Variants in PROM1 observed in about 807,000 individuals in gnomAD.
PROM1 encodes prominin-1.
A neutral mutation model predicts 116.9 loss-of-function variants in PROM1; 105 were observed. That is an observed-to-expected ratio of 0.90 (90% CI 0.77 to 1.06). The LOEUF (loss-of-function observed/expected upper bound fraction) is 1.06, where lower values mean the gene tolerates loss of function less well. Ranked by LOEUF, PROM1 falls within the 50% of genes least tolerant of loss-of-function variation. The pLI, the probability that PROM1 is intolerant of heterozygous loss-of-function variation, is 0.00. For missense variants in PROM1, 1,122 were observed against 1,045.2 expected, an observed-to-expected ratio of 1.07 and a Z score of -1.01; for synonymous variants, 393 against 387.0, an observed-to-expected ratio of 1.02 and a Z score of -0.18.
chr4:16,012,870 C>CAAAAAAAA (rs71179681), intron 11 of PROM1, among the ~76,000 whole-genome samples: 4 of 84,196 alleles, frequency 4.8e-5, no homozygotes, highest in East Asian at 4.0e-4. Context: ...GACTCTGTCT[C>CAAAAAAAA]AAAAAAAAAA....
intron 12 of PROM1, among the ~76,000 whole-genome samples, chr4:16,008,618 A>G (rs1303050455): frequency 6.6e-6 from 1 of 152,262 alleles, no homozygotes; most frequent in African/African-American, 2.4e-5. Context: ...CACTAATGAC[A>G]TCAAAATTGC....
intron 2 of PROM1, among the ~76,000 whole-genome samples, chr4:16,074,882 C>A (rs564749729): frequency 1.3e-5 from 2 of 152,104 alleles, no homozygotes. Context: ...AAGATTACAG[C>A]GAATTCTATA....
chr4:16,082,870 T>C (rs750451054), intron 1 of PROM1, among the ~76,000 whole-genome samples: 52 of 152,140 alleles, frequency 3.4e-4, no homozygotes, highest in Admixed American at 9.8e-4. Context: ...TCTACAGCCG[T>C]GAAGCTCCTG....
rs560770065 is a variant in PROM1 at position 16,030,737 on chromosome 4, A to G, written c.509+2567T>C. Among the ~76,000 whole-genome samples the G allele has an allele frequency of 4.3e-4, 66 of 152,338 alleles. 1 individual carries two copies. In the South Asian group the frequency reaches 0.013, roughly 29 times the overall value. On this transcript the variant is annotated intron_variant, in intron 5 of 27. Transcript: ENST00000447510. ...CTATATGTAATGCAAATAAAAGTTC[A>G]ATTTTGAAAAAGAAACCCATTGTAG...
intron 13 of PROM1, among the ~76,000 whole-genome samples, chr4:16,000,913 G>T (rs1027826493): frequency 6.6e-6 from 1 of 151,170 alleles, no homozygotes; most frequent in Non-Finnish European, 1.5e-5. Flanking sequence ...ACAGCTCCAG[G>T]GAAGGCGGGG....
chr4:16,023,760 C>T (rs556148258), intron 7 of PROM1, among the ~76,000 whole-genome samples: 3 of 152,232 alleles, frequency 2.0e-5, no homozygotes, highest in Admixed American at 1.3e-4. Flanking sequence ...TGCTTAGAGA[C>T]ATCCCTGGCT....
In PROM1 at chr4:16,013,420, CGAGTA is replaced by C. The variant is rs147239761; in HGVS notation, c.1078-87_1078-83del. ...TAGTCACTCATTTTGCAACTCAGTA[CGAGTA>C]GAGAGGCAAAATAAAAATATAACAT... On this transcript the variant is annotated intron_variant, in intron 10 of 27. Coordinates refer to ENST00000447510, the MANE Select transcript of PROM1 (RefSeq NM_006017.3). The C allele has an allele frequency of 6.2e-3, 5,714 of 922,008 alleles. 222 individuals are homozygous for C. In the East Asian group the frequency reaches 0.1, roughly 17 times the overall value. The allele number at this position is 922,008 out of a possible 1,614,324, so 57.1% of individuals were successfully genotyped here. A position where few individuals can be genotyped will look rare whatever the true frequency, so the allele number is the denominator to read the frequency against.
rs1483648706 is a variant in PROM1 at position 16,015,390 on chromosome 4, C to T, written c.1077+776G>A. Among the ~76,000 whole-genome samples the T allele has an allele frequency of 4.4e-5, 6 of 136,158 alleles. No homozygotes were observed. In the East Asian group the frequency reaches 1.4e-3, roughly 31 times the overall value. The allele number at this position is 136,158 out of a possible 152,430, so 89.3% of individuals were successfully genotyped here. ...AAGAAGAAGAAGGTGATATATGAAG[C>T]TTAAAAAACTAAGTAGCGGCTGGGT... On this transcript the variant is annotated intron_variant, in intron 10 of 27. Transcript: ENST00000447510.
intron 5 of PROM1, among the ~76,000 whole-genome samples, chr4:16,027,888 GATC>G (rs1470930875): frequency 1.3e-5 from 2 of 152,144 alleles, no homozygotes; most frequent in Non-Finnish European, 2.9e-5. Context: ...TTACTCACAA[GATC>G]ATCAGTCAGT....
intron 13 of PROM1, among the ~76,000 whole-genome samples, chr4:16,001,828 G>C (rs1250367222): frequency 1.3e-5 from 2 of 152,116 alleles, no homozygotes; most frequent in Non-Finnish European, 2.9e-5. Flanking sequence ...AAGAGTTTCT[G>C]CTTTTATTTC....
In PROM1 at chr4:16,076,122, G is replaced by C. The variant is rs1351479883; in HGVS notation, c.-212-4C>G. Reference sequence around the variant, plus strand: ...TCATTCACTCAAGGCACCATCCCTGGCAGGGAGAGAAACAGCAGCAGAGTC... The same window carrying C: ...TCATTCACTCAAGGCACCATCCCTGCCAGGGAGAGAAACAGCAGCAGAGTC... On this transcript the variant is annotated splice_region_variant and splice_polypyrimidine_tract_variant and intron_variant, in intron 1 of 27. Coordinates refer to ENST00000447510, the MANE Select transcript of PROM1 (RefSeq NM_006017.3). 2 of 962,058 alleles carry C rather than the reference G, an allele frequency of 2.1e-6. No homozygotes were observed. The highest frequency in any genetic ancestry group is 2.9e-6 in the Non-Finnish European group (2 of 686,654). The allele number at this position is 962,058 out of a possible 1,614,324, so 59.6% of individuals were successfully genotyped here. A position where few individuals can be genotyped will look rare whatever the true frequency, so the allele number is the denominator to read the frequency against.
At chr4:15,999,023 C>G (rs1252834123) in intron 14 of PROM1, among the ~76,000 whole-genome samples, 1 of 152,024 alleles carries the variant, frequency 6.6e-6, no homozygotes, top group Non-Finnish European at 1.5e-5. Flanking sequence ...AGCCACCACG[C>G]CGAGAACTCT....
At chr4:16,028,074 G>C (rs1274011164) in intron 5 of PROM1, among the ~76,000 whole-genome samples, 2 of 150,694 alleles carry the variant, frequency 1.3e-5, no homozygotes, top group Non-Finnish European at 2.9e-5. Flanking sequence ...CTAGCTACTT[G>C]GGACACCGAC....
In PROM1 at chr4:15,986,119, G is replaced by A. The variant is rs546955556; in HGVS notation, c.2131-82C>T. On this transcript the variant is annotated intron_variant, in intron 20 of 27. Coordinates refer to ENST00000447510, the MANE Select transcript of PROM1 (RefSeq NM_006017.3). ...CAATTTGCATATTGATTCAAGTACTGTAACTCAGCTCTGCAACACCACGAC... is the reference window on the plus strand; with the variant it reads ...CAATTTGCATATTGATTCAAGTACTATAACTCAGCTCTGCAACACCACGAC... 18 of 1,016,188 alleles carry A rather than the reference G, an allele frequency of 1.8e-5. No homozygotes were observed. In the East Asian group the frequency reaches 2.9e-4, roughly 16 times the overall value. The allele number at this position is 1,016,188 out of a possible 1,614,324, so 62.9% of individuals were successfully genotyped here.
chr4:16,024,134 T>C (rs1310389033), intron 7 of PROM1, among the ~76,000 whole-genome samples, 161 bp downstream of exon 7: 1 of 152,196 alleles, frequency 6.6e-6, no homozygotes. Flanking sequence ...GAGGGCTAGA[T>C]TCTAATCGCT....
intron 23 of PROM1, among the ~76,000 whole-genome samples, chr4:15,982,725 G>A (rs746895857): frequency 1.1e-4 from 16 of 152,160 alleles, no homozygotes; most frequent in Admixed American, 3.9e-4. Context: ...AATCAAGCAG[G>A]TTGGCTCTGG....
intron 2 of PROM1, among the ~76,000 whole-genome samples, chr4:16,068,156 C>T (rs553178163): frequency 6.6e-6 from 1 of 152,214 alleles, no homozygotes; most frequent in East Asian, 1.9e-4. Flanking sequence ...TCACTGAGTG[C>T]CCTGAGAGAA....
intron 12 of PROM1, 144 bp from the exon 13 acceptor site, chr4:16,006,834 T>A (rs16892768): frequency 2.5e-6 from 2 of 803,616 alleles, no homozygotes; most frequent in Non-Finnish European, 3.9e-6. Flanking sequence ...AGGACAATAA[T>A]GTTGAGTGAA....
intron 17 of PROM1, among the ~76,000 whole-genome samples, chr4:15,991,787 T>C (rs1484288582): frequency 6.6e-6 from 1 of 151,356 alleles, no homozygotes; most frequent in African/African-American, 2.4e-5. Flanking sequence ...ACAAAAAAAG[T>C]TAGCTGGGCG....
Sources: gnomAD v4.1 joint callset for allele counts (sites outside exome capture counted in the v4.1 genomes callset) on GRCh38, gnomAD v4.1.1 for gene constraint, MANE v1.5 for transcripts, NCBI Gene and HGNC (gene_info 2026-07-23, HGNC 2026-07-21) for gene names.